LAMB1: variants seen among roughly 807,000 people sequenced by gnomAD.
LAMB1 encodes the protein laminin subunit beta-1.
LAMB1 carries 121 observed loss-of-function variants against 222.3 expected under a neutral mutation model. The ratio of observed to expected loss-of-function variants is 0.54; its 90% CI spans 0.47 to 0.63. LAMB1 has a LOEUF of 0.63. Ranked by LOEUF, LAMB1 falls within the 30% of genes least tolerant of loss-of-function variation. The probability of loss-of-function intolerance (pLI) is 0.00; values close to 1 mark genes in which losing one functional copy is unlikely to be tolerated. For missense variants in LAMB1, 2,172 were observed against 2,240.8 expected, an observed-to-expected ratio of 0.97 and a Z score of 0.62; for synonymous variants, 794 against 807.2, an observed-to-expected ratio of 0.98 and a Z score of 0.28.
In LAMB1 at chr7:107,993,495, C is replaced by G. The variant is rs192421101; in HGVS notation, c.423+1392G>C. On this transcript the variant is annotated intron_variant, in intron 5 of 33. Transcript: ENST00000222399. ...ATCACCCCCGTTTTACCTTCTGCGCCTACACAAGTAAGTTCATCTTTCTCC... is the reference window on the plus strand; with the variant it reads ...ATCACCCCCGTTTTACCTTCTGCGCGTACACAAGTAAGTTCATCTTTCTCC... 9.7e-4 allele frequency among the ~76,000 whole-genome samples: 147 copies of G among 152,290 alleles called. 3 individuals carry two copies. The highest frequency in any genetic ancestry group is 1.1e-3 in the Non-Finnish European group (73 of 68,022).
Position 107,939,973 on chromosome 7 carries a change from C to G in LAMB1, c.3761+16G>C. On this transcript the variant is annotated intron_variant, in intron 25 of 33. Coordinates refer to ENST00000222399, the MANE Select transcript of LAMB1 (RefSeq NM_002291.3). The stretch of plus-strand genomic sequence containing the variant: ...TCAGCTTTATGAGTAATTCCTCTGG[C>G]TCATTAACTACTTACTCTGCTTCCT... 1 of 1,606,100 alleles carries G rather than the reference C, an allele frequency of 6.2e-7. No homozygotes were observed. The highest frequency in any genetic ancestry group is 8.5e-7 in the Non-Finnish European group (1 of 1,174,436).
intron 4 of LAMB1, among the ~76,000 whole-genome samples, chr7:107,997,541 T>C (rs1584544136): frequency 6.6e-6 from 1 of 152,330 alleles, no homozygotes. Context: ...GTGTACTGCA[T>C]AGAATAAAGA....
intron 13 of LAMB1, 37 bp from the exon 14 acceptor site, chr7:107,964,724 G>T: frequency 6.2e-7 from 1 of 1,610,416 alleles, no homozygotes; most frequent in South Asian, 1.1e-5. Flanking sequence ...CTGAGTTCAT[G>T]GTCACGCGAG....
At chr7:107,981,406 C>G (rs916340658) in intron 7 of LAMB1, among the ~76,000 whole-genome samples, 1 of 151,246 alleles carries the variant, frequency 6.6e-6, no homozygotes, top group Non-Finnish European at 1.5e-5. Context: ...CGAGATTGTG[C>G]CATTGCACTC....
intron 13 of LAMB1, among the ~76,000 whole-genome samples, chr7:107,968,026 G>T (rs912588214): frequency 6.6e-6 from 1 of 152,114 alleles, no homozygotes; most frequent in South Asian, 2.1e-4. Context: ...GGTGATGGGG[G>T]AATGTGGGCA....
chr7:107,957,704 G>A (rs2150425936), intron 20 of LAMB1, among the ~76,000 whole-genome samples: 1 of 152,296 alleles, frequency 6.6e-6, no homozygotes, highest in Admixed American at 6.5e-5. Flanking sequence ...GATAGAAACT[G>A]AGTGTTCATT....
Position 107,929,586 on chromosome 7 carries a change from A to T in LAMB1, c.4571T>A (p.Val1524Asp), listed in dbSNP as rs763827165. The part of the protein sequence containing the change: ...DSADLDSIEA[V>D]ANEVLKMEMP... ...CTCCATTTTCAATACTTCATTAGCAACTGCTTCAATGCTGTCCAAATCAGC... is the reference window on the plus strand; with the variant it reads ...CTCCATTTTCAATACTTCATTAGCATCTGCTTCAATGCTGTCCAAATCAGC... Residue 1524 changes from valine to aspartate, a missense_variant, in exon 30 of 34, where the codon GTT (valine) becomes GAT (aspartate). Physicochemically the swap from Val to Asp is radical, Grantham distance 152. Transcript: ENST00000222399. 6.2e-7 allele frequency: 1 copy of T among 1,613,994 alleles called. No homozygotes were observed. The highest frequency in any genetic ancestry group is 1.3e-5 in the African/African-American group (1 of 74,934).
At position 107,940,188 on chromosome 7, in the gene LAMB1, C is replaced by A; in HGVS notation, c.3562G>T (p.Val1188Leu). ...CTGTTGGTCAGCTCGGCAATGATCA[C>A]ATCCCAGAGAGCAAAGCACTGGTGG... The part of the protein sequence containing the change: ...PCHQCFALWD[V>L]IIAELTNRTH... The change falls in exon 25 of 34, where the codon GTG becomes TTG. Residue 1188 changes from valine (V) to leucine (L), a missense_variant. Transcript: ENST00000222399. 3 of 1,614,194 alleles carry A rather than the reference C, an allele frequency of 1.9e-6. No individual in the cohort carries two copies. Among genetic ancestry groups the A allele is most frequent in the Non-Finnish European group, 2.5e-6 (3 of 1,180,036 alleles).
At chr7:107,978,272 T>G in intron 8 of LAMB1, 105 bp from the exon 9 acceptor site, 132 of 1,249,000 alleles carry the variant, frequency 1.1e-4, no homozygotes, top group Non-Finnish European at 1.4e-4. Flanking sequence ...TACTAATCTC[T>G]AGCTCACCAC....
At chr7:107,989,024 T>A (rs1259292571) in intron 5 of LAMB1, among the ~76,000 whole-genome samples, 5 of 152,170 alleles carry the variant, frequency 3.3e-5, no homozygotes, top group African/African-American at 1.2e-4. Context: ...ACTTGCTAGT[T>A]ACAGGCAGAG....
intron 7 of LAMB1, 30 bp from the exon 8 acceptor site, chr7:107,980,841 C>A: frequency 1.4e-6 from 2 of 1,407,138 alleles, no homozygotes; most frequent in Non-Finnish European, 2.0e-6. Context: ...GATGAAAAGT[C>A]TGATCAGACA....
At chr7:107,974,815 A>T (rs1233459222) in intron 12 of LAMB1, among the ~76,000 whole-genome samples, 171 bp downstream of exon 12, 4 of 152,232 alleles carry the variant, frequency 2.6e-5, no homozygotes, top group Non-Finnish European at 5.9e-5. Flanking sequence ...GGGATGGTGA[A>T]CATCTTGTGA....
At chr7:107,924,417 AGTG>A (rs755755234) in intron 32 of LAMB1, 28 bp from the exon 33 acceptor site, 1 of 1,561,558 alleles carries the variant, frequency 6.4e-7, no homozygotes, top group Non-Finnish European at 8.7e-7. Flanking sequence ...GACAGAAAGA[AGTG>A]GTAATGTTAG....
intron 21 of LAMB1, among the ~76,000 whole-genome samples, chr7:107,954,933 TATAAAC>T (rs2033342999): frequency 1.3e-5 from 2 of 152,186 alleles, no homozygotes; most frequent in African/African-American, 4.8e-5. Flanking sequence ...CTGAGTTACA[TATAAAC>T]ATAATCAGTA....
At position 107,940,089 on chromosome 7, in the gene LAMB1, CCA is replaced by C; in HGVS notation, c.3659_3660del (p.Val1220GlyfsTer31). 1 of 1,614,168 alleles carries C rather than the reference CCA, an allele frequency of 6.2e-7. No homozygotes were observed. Among genetic ancestry groups the C allele is most frequent in the Non-Finnish European group, 8.5e-7 (1 of 1,180,038 alleles). ...TCGCTGACTTTCCTCTCCACCGAGT[CCA>C]CAGTCTCACGGTAAGGCCCGATCAC... is the stretch of plus-strand genomic sequence containing the variant. ...SGVIGPYRET[V>X]DSVERKVSEI... On this transcript the variant is annotated frameshift_variant, in exon 25 of 34. Coordinates refer to ENST00000222399, the MANE Select transcript of LAMB1 (RefSeq NM_002291.3). LOFTEE classifies it high-confidence loss of function.
chr7:107,980,656 T>A lies in LAMB1; in HGVS notation c.832A>T (p.Ser278Cys), dbSNP rs1299108234. Reference protein sequence around the residue: ...RGNCFCYGHASECAPVDGFNE... With the variant: ...RGNCFCYGHACECAPVDGFNE... The stretch of plus-strand genomic sequence containing the variant: ...AATCCATCCACAGGGGCACATTCGC[T>A]GGCATGACCATAGCAGAAGCAATTT... Residue 278 changes from serine (S) to cysteine (C), a missense_variant, in exon 8 of 34, where the codon AGC becomes TGC. Transcript: ENST00000222399. 1 of 1,614,070 alleles carries A rather than the reference T, an allele frequency of 6.2e-7. No individual in the cohort carries two copies. The highest frequency in any genetic ancestry group is 1.3e-5 in the African/African-American group (1 of 74,936).
chr7:108,002,210 C>G (rs552559278), intron 2 of LAMB1: 117 of 1,357,646 alleles, frequency 8.6e-5, no homozygotes, highest in Non-Finnish European at 1.1e-4. Flanking sequence ...GCTTGGGAAG[C>G]GAGAGTGCGT....
intron 24 of LAMB1, among the ~76,000 whole-genome samples, chr7:107,946,169 G>A (rs1235500885): frequency 1.3e-5 from 2 of 152,090 alleles, no homozygotes; most frequent in Non-Finnish European, 2.9e-5. Flanking sequence ...AAGCAACGTG[G>A]GACTCCAGGA....
At chr7:107,978,872 A>G (rs2033920524) in intron 8 of LAMB1, among the ~76,000 whole-genome samples, 1 of 152,252 alleles carries the variant, frequency 6.6e-6, no homozygotes, top group South Asian at 2.1e-4. Flanking sequence ...TATAAATGAT[A>G]AATGAATTAC....
Sources: allele counts gnomAD v4.1 joint callset (sites outside exome capture counted in the v4.1 genomes callset), GRCh38; gene constraint gnomAD v4.1.1; transcripts MANE v1.5; gene names NCBI Gene and HGNC (gene_info 2026-07-23, HGNC 2026-07-21).